EDIL3: variants seen among roughly 807,000 people sequenced by gnomAD.
EDIL3 encodes EGF-like repeat and discoidin I-like domain-containing protein 3.
EDIL3 carries 37 observed loss-of-function variants against 67.4 expected under a neutral mutation model. The ratio of observed to expected loss-of-function variants is 0.55; its 90% confidence interval spans 0.42 to 0.72. The LOEUF (loss-of-function observed/expected upper bound fraction) is 0.72. EDIL3 is among the 30% of genes least tolerant of loss of function. EDIL3 has a pLI of 0.00. For missense variants in EDIL3, 527 were observed against 586.3 expected (o/e 0.90, Z 1.04); for synonymous variants, 195 against 196.3 (o/e 0.99, Z 0.05).
intron 9 of EDIL3, among the ~76,000 whole-genome samples, chr5:84,026,247 C>T (rs1745811480): frequency 6.6e-6 from 1 of 152,168 alleles, no homozygotes; most frequent in Non-Finnish European, 1.5e-5. Flanking sequence ...TATAAGATTT[C>T]TGTTTTGATC....
intron 3 of EDIL3, among the ~76,000 whole-genome samples, chr5:84,222,204 G>T (rs1383404962): frequency 1.3e-5 from 2 of 151,830 alleles, no homozygotes; most frequent in African/African-American, 4.8e-5. Flanking sequence ...TCTGTTTCCT[G>T]TATGTATACA....
At chr5:84,260,224 T>C (rs1745201945) in intron 1 of EDIL3, among the ~76,000 whole-genome samples, 1 of 152,092 alleles carries the variant, frequency 6.6e-6, no homozygotes, top group Non-Finnish European at 1.5e-5. Flanking sequence ...CAAATAAAAC[T>C]GGTTATTTAT....
intron 4 of EDIL3, among the ~76,000 whole-genome samples, chr5:84,142,735 C>T (rs1043933207): frequency 4.6e-5 from 7 of 151,840 alleles, no homozygotes; most frequent in Non-Finnish European, 8.8e-5. Flanking sequence ...TACATTGAGG[C>T]CCCCAAGAAC....
chr5:84,328,302 G>A (rs186886835), intron 1 of EDIL3, among the ~76,000 whole-genome samples: 27 of 151,986 alleles, frequency 1.8e-4, no homozygotes, highest in Admixed American at 3.3e-4. Flanking sequence ...CACATTTTGG[G>A]AACACTTAGG....
chr5:84,054,214 A>T (rs1478668319), intron 9 of EDIL3, among the ~76,000 whole-genome samples: 1 of 152,186 alleles, frequency 6.6e-6, no homozygotes, highest in African/African-American at 2.4e-5. Context: ...AAACCACATG[A>T]TTTTCTCAAT....
chr5:84,281,289 G>T lies in EDIL3; in HGVS notation c.68-27077C>A, dbSNP rs140932439. On this transcript the variant is annotated intron_variant, in intron 1 of 10. Coordinates refer to ENST00000296591, the MANE Select transcript of EDIL3 (RefSeq NM_005711.5). The stretch of plus-strand genomic sequence containing the variant: ...AGGCTACTGTCTAAATCAGTTTAAA[G>T]TAGAATAATAATTTGACTACAAATG... Among the ~76,000 whole-genome samples, 30 of 152,252 alleles carry T rather than the reference G, an allele frequency of 2.0e-4. No homozygotes were observed. In the East Asian group the frequency reaches 5.6e-3, roughly 28 times the overall value.
intron 6 of EDIL3, among the ~76,000 whole-genome samples, chr5:84,086,157 A>G (rs1213299052): frequency 6.6e-6 from 1 of 152,104 alleles, no homozygotes; most frequent in Non-Finnish European, 1.5e-5. Flanking sequence ...CCCCCTTTCC[A>G]GAGGAGTGGC....
At chr5:84,190,547 A>G (rs1340911934) in intron 3 of EDIL3, among the ~76,000 whole-genome samples, 1,480 of 62,166 alleles carry the variant, frequency 0.024, 36 homozygotes, top group African/African-American at 0.074. Flanking sequence ...ATATATATAT[A>G]TATATGTGTG....
chr5:84,254,310 C>A, intron 1 of EDIL3, 98 bp from the exon 2 acceptor site: 3 of 1,326,910 alleles, frequency 2.3e-6, no homozygotes, highest in South Asian at 3.4e-5. Context: ...TTGGCAAAGT[C>A]AAAAGTCAGG....
chr5:84,241,183 T>A (rs1468005034), intron 2 of EDIL3, among the ~76,000 whole-genome samples: 1 of 152,202 alleles, frequency 6.6e-6, no homozygotes, highest in Non-Finnish European at 1.5e-5. Context: ...AATGTAAGTA[T>A]TTAAAAGGCA....
At chr5:84,198,001 T>C (rs1743747739) in intron 3 of EDIL3, among the ~76,000 whole-genome samples, 1 of 151,954 alleles carries the variant, frequency 6.6e-6, no homozygotes, top group African/African-American at 2.4e-5. Flanking sequence ...GAAAGGATAG[T>C]AGGAGGTAGT....
intron 9 of EDIL3, among the ~76,000 whole-genome samples, chr5:84,025,742 C>T (rs1197119003): frequency 1.3e-5 from 2 of 151,994 alleles, no homozygotes; most frequent in Non-Finnish European, 2.9e-5. Flanking sequence ...ATTATGCCAG[C>T]ATAATGTATT....
intron 9 of EDIL3, among the ~76,000 whole-genome samples, chr5:84,022,769 A>G (rs1745743060): frequency 1.3e-5 from 2 of 152,136 alleles, no homozygotes; most frequent in African/African-American, 2.4e-5. Context: ...TGAGGCTAGG[A>G]GAAAGAAATG....
intron 9 of EDIL3, among the ~76,000 whole-genome samples, chr5:83,981,405 TTC>T (rs1227701485): frequency 6.6e-6 from 1 of 152,112 alleles, no homozygotes; most frequent in Non-Finnish European, 1.5e-5. Flanking sequence ...TATTATATCA[TTC>T]TCTGTGTATG....
chr5:84,040,592 G>T (rs1485297533), intron 9 of EDIL3, among the ~76,000 whole-genome samples: 1 of 150,870 alleles, frequency 6.6e-6, no homozygotes, highest in Non-Finnish European at 1.5e-5. Flanking sequence ...ATAAATTTTA[G>T]ATTTGATTCT....
intron 3 of EDIL3, among the ~76,000 whole-genome samples, chr5:84,189,324 AT>A (rs993628002): frequency 2.0e-5 from 3 of 151,828 alleles, no homozygotes; most frequent in African/African-American, 7.3e-5. Context: ...CCTGGGGTTA[AT>A]CTTCATCCAC....
intron 1 of EDIL3, among the ~76,000 whole-genome samples, chr5:84,273,032 G>GT (rs924657981): frequency 1.3e-5 from 2 of 151,978 alleles, no homozygotes; most frequent in Non-Finnish European, 1.5e-5. Flanking sequence ...CTTGTCTCCA[G>GT]TATCTAGTTA....
chr5:84,097,226 TC>T (rs1423640983), intron 6 of EDIL3, among the ~76,000 whole-genome samples: 3 of 152,152 alleles, frequency 2.0e-5, no homozygotes, highest in African/African-American at 4.8e-5. Context: ...TAGCCACATT[TC>T]TAAAAAGGTA....
At chr5:84,188,472 A>G (rs557677723) in intron 3 of EDIL3, among the ~76,000 whole-genome samples, 1 of 151,870 alleles carries the variant, frequency 6.6e-6, no homozygotes. Flanking sequence ...TCCTCTGCTT[A>G]TAAGAACTCA....
Sources: allele counts gnomAD v4.1 joint callset (sites outside exome capture counted in the v4.1 genomes callset), GRCh38; gene constraint gnomAD v4.1.1; transcripts MANE v1.5; gene names NCBI Gene and HGNC (gene_info 2026-07-23, HGNC 2026-07-21).